The following CORO7 variants were observed in gnomAD, a reference collection of about 807,000 sequenced individuals.
CORO7 encodes the protein coronin-7.
In CORO7, 107 loss-of-function variants were observed where a neutral mutation model predicts 126.6. That is an observed-to-expected ratio of 0.85 (90% confidence interval 0.72 to 0.99). The LOEUF is 0.99. CORO7 is among the 50% of genes least tolerant of loss of function. The pLI, the probability that CORO7 is intolerant of heterozygous loss-of-function variation, is 0.00. For synonymous variants in CORO7, 603 were observed against 536.8 expected (o/e 1.12, Z -1.70); for missense variants, 1,314 against 1,255.8 (o/e 1.05, Z -0.70).
Position 4,396,753 on chromosome 16 carries a change from C to A in CORO7, c.565-1414G>T, listed in dbSNP as rs545388582. Among the ~76,000 whole-genome samples the A allele has an allele frequency of 2.6e-5, 4 of 152,214 alleles. No homozygotes were observed. In the South Asian group the frequency reaches 8.3e-4, roughly 32 times the overall value. On this transcript the variant is annotated intron_variant, in intron 6 of 27. Coordinates refer to ENST00000251166, the MANE Select transcript of CORO7 (RefSeq NM_024535.5). ...ACCACCAGCCAGGCATGGTGGCTCACGCCTGTAATCCCAGCACTTTGCGAG... is the reference window on the plus strand; with the variant it reads ...ACCACCAGCCAGGCATGGTGGCTCAAGCCTGTAATCCCAGCACTTTGCGAG...
rs749083139 is a variant in CORO7 at position 4,364,650 on chromosome 16, C to T, written c.1084G>A (p.Gly362Ser). 42 of 1,579,152 alleles carry T rather than the reference C, an allele frequency of 2.7e-5. No individual in the cohort carries two copies. The Middle Eastern group carries it at 5.2e-4, about 20-fold the overall frequency. ...TGGGGGTCGGTGGCAGGCACACAGCCGGCAGTGTCCGGGAACAGGTCCTCG... is the reference window on the plus strand; with the variant it reads ...TGGGGGTCGGTGGCAGGCACACAGCTGGCAGTGTCCGGGAACAGGTCCTCG... The part of the protein sequence containing the change: ...FHEDLFPDTA[G>S]CVPATDPHSW... The change falls in exon 13 of 28, where the codon GGC (glycine) becomes AGC (serine). Residue 362 changes from glycine (G) to serine (S), a missense_variant. Gly to Ser is a moderately conservative substitution (Grantham distance 56). Coordinates refer to ENST00000251166, the MANE Select transcript of CORO7 (RefSeq NM_024535.5).
At chr16:4,388,303 G>A (rs1447774808) in intron 8 of CORO7, among the ~76,000 whole-genome samples, 1 of 152,162 alleles carries the variant, frequency 6.6e-6, no homozygotes, top group Non-Finnish European at 1.5e-5. Context: ...CTGTGTTCTC[G>A]GGTCCCTGTA....
chr16:4,359,974 C>T (rs1313595085), intron 21 of CORO7, among the ~76,000 whole-genome samples: 2 of 129,736 alleles, frequency 1.5e-5, no homozygotes, highest in Non-Finnish European at 3.3e-5. Context: ...CCCTACCCCC[C>T]TCACCCTCCC....
intron 9 of CORO7, chr16:4,381,453 C>T (rs2054959748): frequency 6.3e-7 from 1 of 1,580,536 alleles, no homozygotes. Flanking sequence ...TGGACACTGC[C>T]AACGTGGAGG....
chr16:4,380,384 C>T (rs1426063290), intron 9 of CORO7, among the ~76,000 whole-genome samples: 1 of 152,238 alleles, frequency 6.6e-6, no homozygotes, highest in African/African-American at 2.4e-5. Context: ...ATTCCCTCCT[C>T]CAAGGAGGGC....
rs768307163 is a variant in CORO7 at position 4,361,483 on chromosome 16, C to A, written c.1579-14G>T. ...AGGCTTCCGTAGCTGTGGGAGGTGC[C>A]CCCACCCCGAGGCCCATCAGTACCA... is the stretch of plus-strand genomic sequence containing the variant. On this transcript the variant is annotated splice_polypyrimidine_tract_variant and intron_variant, in intron 16 of 27. Coordinates refer to ENST00000251166, the MANE Select transcript of CORO7 (RefSeq NM_024535.5). 1 of 1,610,342 alleles carries A rather than the reference C, an allele frequency of 6.2e-7. No individual in the cohort carries two copies. The highest frequency in any genetic ancestry group is 8.5e-7 in the Non-Finnish European group (1 of 1,179,488).
intron 7 of CORO7, among the ~76,000 whole-genome samples, chr16:4,392,745 G>T (rs978943416): frequency 3.9e-5 from 6 of 152,358 alleles, no homozygotes; most frequent in African/African-American, 1.4e-4. Flanking sequence ...TGCCAGCAGC[G>T]GTTTTCCTAA....
At chr16:4,390,154 G>A (rs1047888222) in intron 7 of CORO7, among the ~76,000 whole-genome samples, 3 of 152,204 alleles carry the variant, frequency 2.0e-5, no homozygotes, top group Non-Finnish European at 4.4e-5. Flanking sequence ...TGCATGCCAT[G>A]GGGGAGCCGC....
chr16:4,359,060 C>T (rs1284914041), intron 23 of CORO7: 4 of 572,698 alleles, frequency 7.0e-6, no homozygotes, highest in South Asian at 4.6e-5. Context: ...TCCAGGCCAC[C>T]GTACCCGGCC....
chr16:4,377,031 C>T (rs975493182), intron 9 of CORO7, among the ~76,000 whole-genome samples: 19 of 152,160 alleles, frequency 1.2e-4, no homozygotes, highest in Admixed American at 6.5e-4. Context: ...ACAGGCACCA[C>T]GAGCACCACG....
chr16:4,389,016 C>A (rs544312858), intron 7 of CORO7, among the ~76,000 whole-genome samples: 8 of 152,336 alleles, frequency 5.3e-5, no homozygotes, highest in African/African-American at 1.9e-4. Flanking sequence ...ATGTCACACT[C>A]TGTCAATGCC....
At chr16:4,390,730 A>T (rs1237842738) in intron 7 of CORO7, among the ~76,000 whole-genome samples, 1 of 152,172 alleles carries the variant, frequency 6.6e-6, no homozygotes, top group African/African-American at 2.4e-5. Context: ...GGGAAGCCTA[A>T]AGGCACAGAG....
At chr16:4,358,517 G>T in intron 23 of CORO7, 34 bp from the exon 24 acceptor site, 2 of 1,548,086 alleles carry the variant, frequency 1.3e-6, no homozygotes, top group Non-Finnish European at 1.7e-6. Context: ...CTGCCGCTGG[G>T]ACCTAGAGCT....
chr16:4,371,498 C>T (rs1396849079), intron 9 of CORO7, among the ~76,000 whole-genome samples: 1 of 152,230 alleles, frequency 6.6e-6, no homozygotes, highest in African/African-American at 2.4e-5. Context: ...CATCCTGCCT[C>T]TCCAGGGCCG....
At position 4,389,057 on chromosome 16, in the gene CORO7, G is replaced by A. The variant is rs539804178; in HGVS notation, c.616-426C>T. ...TCTCTCGCTTGTGTAAGGGGCTCAC[G>A]ATGCGGTGCCACCCGCTTCCCAGGG... is the stretch of plus-strand genomic sequence containing the variant. On this transcript the variant is annotated intron_variant, in intron 7 of 27. Coordinates refer to ENST00000251166, the MANE Select transcript of CORO7 (RefSeq NM_024535.5). Among the ~76,000 whole-genome samples, 5 of 152,298 alleles carry A rather than the reference G, an allele frequency of 3.3e-5. No individual in the cohort carries two copies. The South Asian group carries it at 6.2e-4, about 19-fold the overall frequency.
chr16:4,357,680 G>A, intron 25 of CORO7: 1 of 460,436 alleles, frequency 2.2e-6, no homozygotes, highest in Non-Finnish European at 3.7e-6. Flanking sequence ...CTATGGCGCA[G>A]ATCTAAGAGG....
chr16:4,364,419 T>A lies in CORO7; in HGVS notation c.1138-6A>T. 2.0e-6 allele frequency: 3 copies of A among 1,498,834 alleles called. No homozygotes were observed. The highest frequency in any genetic ancestry group is 2.7e-6 in the Non-Finnish European group (3 of 1,126,308). The allele number at this position is 1,498,834 out of a possible 1,614,324, so 92.8% of individuals were successfully genotyped here. A position where few individuals can be genotyped will look rare whatever the true frequency, so the allele number is the denominator to read the frequency against. On this transcript the variant is annotated splice_polypyrimidine_tract_variant and splice_region_variant and intron_variant, in intron 13 of 27. Coordinates refer to ENST00000251166, the MANE Select transcript of CORO7 (RefSeq NM_024535.5). ...TTGAGGCTGACCTTCTGCACCTGCATGGAGGCCGGCAGTGGGGAGATGGGG... is the reference window on the plus strand; with the variant it reads ...TTGAGGCTGACCTTCTGCACCTGCAAGGAGGCCGGCAGTGGGGAGATGGGG...
At chr16:4,382,824 T>C (rs1259046985) in intron 9 of CORO7, 1 of 1,598,718 alleles carries the variant, frequency 6.3e-7, no homozygotes, top group East Asian at 2.3e-5. Context: ...CCAGCGGGTC[T>C]GAGTGTGAGG....
intron 3 of CORO7, among the ~76,000 whole-genome samples, chr16:4,410,869 G>A (rs1376495654): frequency 3.9e-5 from 6 of 152,318 alleles, no homozygotes; most frequent in East Asian, 3.9e-4. Context: ...GCGTGGCAGC[G>A]TTCCAATAAA....
Sources: gnomAD v4.1 joint callset for allele counts (sites outside exome capture counted in the v4.1 genomes callset) on GRCh38, gnomAD v4.1.1 for gene constraint, MANE v1.5 for transcripts, NCBI Gene and HGNC (gene_info 2026-07-23, HGNC 2026-07-21) for gene names.